The following HUNK variants were observed in gnomAD, a reference collection of about 807,000 sequenced individuals.
HUNK encodes hormonally up-regulated Neu-associated kinase, also known as hormonally up-regulated neu tumor-associated kinase.
HUNK carries 21 observed loss-of-function variants against 61.0 expected under a neutral mutation model. The ratio of observed to expected loss-of-function variants is 0.34; its 90% confidence interval spans 0.24 to 0.50. The LOEUF (loss-of-function observed/expected upper bound fraction) is 0.50. Among genes scored for constraint, HUNK ranks in the 20% least tolerant of loss-of-function variants. The pLI is 0.98. For synonymous variants in HUNK, 371 were observed against 386.1 expected, an observed-to-expected ratio of 0.96 and a Z score of 0.46; for missense variants, 772 against 945.7, an observed-to-expected ratio of 0.82 and a Z score of 2.41.
At chr21:31,998,490 C>A (rs760336730) in intron 10 of HUNK, 36 bp from the exon 11 acceptor site, 1 of 1,530,928 alleles carries the variant, frequency 6.5e-7, no homozygotes, top group South Asian at 1.3e-5. Flanking sequence ...ACTGTCCGGA[C>A]GTCCTCATGA....
chr21:31,920,659 T>G (rs1255578367), intron 1 of HUNK, among the ~76,000 whole-genome samples: 1 of 152,186 alleles, frequency 6.6e-6, no homozygotes, highest in Non-Finnish European at 1.5e-5. Context: ...CTTGAACTAC[T>G]TGGGGCCAGA....
chr21:31,993,672 G>A (rs1252440049), intron 9 of HUNK, among the ~76,000 whole-genome samples: 3 of 152,204 alleles, frequency 2.0e-5, no homozygotes, highest in Admixed American at 6.5e-5. Flanking sequence ...GTGTGTAAGC[G>A]TGTGTGCAAA....
chr21:31,983,620 C>T lies in HUNK; in HGVS notation c.1257+11C>T. 1 of 1,593,022 alleles carries T rather than the reference C, an allele frequency of 6.3e-7. No individual in the cohort carries two copies. Among genetic ancestry groups the T allele is most frequent in the Non-Finnish European group, 8.6e-7 (1 of 1,162,200 alleles). ...AAGGAGTCCTATGAGGTGAGTGACC[C>T]CTGAAGCAAACCTCAGGGTCTCTTA... On this transcript the variant is annotated intron_variant, in intron 8 of 10. Transcript: ENST00000270112.
chr21:31,969,787 A>G (rs1216187334), intron 6 of HUNK, among the ~76,000 whole-genome samples: 1 of 152,016 alleles, frequency 6.6e-6, no homozygotes, highest in Non-Finnish European at 1.5e-5. Context: ...GGCTGGTCTC[A>G]AACTCCTGGG....
At chr21:31,927,384 C>T (rs888537956) in intron 2 of HUNK, among the ~76,000 whole-genome samples, 3 of 152,028 alleles carry the variant, frequency 2.0e-5, no homozygotes, top group Non-Finnish European at 4.4e-5. Flanking sequence ...GTGCTCACGC[C>T]TGCAATTCCA....
At chr21:31,942,169 C>T (rs2052773392) in intron 3 of HUNK, among the ~76,000 whole-genome samples, 1 of 152,254 alleles carries the variant, frequency 6.6e-6, no homozygotes, top group African/African-American at 2.4e-5. Flanking sequence ...AAGATCGTGA[C>T]ACTGCACTCC....
chr21:31,979,797 A>C lies in HUNK; in HGVS notation c.1174-3729A>C, dbSNP rs139662198. ...CCCAAAGTGCTGGGATTACAGGCAT[A>C]AGCCACCACGCCCAGCTGCATTCTT... On this transcript the variant is annotated intron_variant, in intron 7 of 10. Coordinates refer to ENST00000270112, the MANE Select transcript of HUNK (RefSeq NM_014586.2). Among the ~76,000 whole-genome samples the C allele has an allele frequency of 2.6e-5, 4 of 151,794 alleles. No homozygotes were observed. In the South Asian group the frequency reaches 6.2e-4, roughly 24 times the overall value.
chr21:32,000,369 T>C lies in HUNK; in HGVS notation c.*1185T>C, dbSNP rs1341040176. ...CTCCTCAAACAGGGTTCAGTCCACGTTGTGTTTTCACACCTTTCTCCAAGG... is the reference window on the plus strand; with the variant it reads ...CTCCTCAAACAGGGTTCAGTCCACGCTGTGTTTTCACACCTTTCTCCAAGG... On this transcript the variant is annotated 3_prime_UTR_variant, in exon 11 of 11. Transcript: ENST00000270112. 1 of 399,002 alleles carries C rather than the reference T, an allele frequency of 2.5e-6. No individual in the cohort carries two copies. The highest frequency in any genetic ancestry group is 4.4e-6 in the Non-Finnish European group (1 of 226,118). The allele number at this position is 399,002 out of a possible 1,614,324, so 24.7% of individuals were successfully genotyped here.
chr21:31,992,382 A>G (rs1274015938), intron 9 of HUNK, among the ~76,000 whole-genome samples: 4 of 152,246 alleles, frequency 2.6e-5, no homozygotes, highest in African/African-American at 9.6e-5. Context: ...CGTTTTCAAA[A>G]TGTCCCACTT....
chr21:31,898,767 T>C (rs941740555), intron 1 of HUNK, among the ~76,000 whole-genome samples: 1 of 152,050 alleles, frequency 6.6e-6, no homozygotes, highest in Non-Finnish European at 1.5e-5. Flanking sequence ...GGATGATTAA[T>C]GTCAGGCCAG....
At chr21:31,956,565 A>G (rs1173182072) in intron 4 of HUNK, among the ~76,000 whole-genome samples, 2 of 151,716 alleles carry the variant, frequency 1.3e-5, no homozygotes. Context: ...TAGCCCTGAT[A>G]CTCCTTCCCT....
At position 31,937,119 on chromosome 21, in the gene HUNK, C is replaced by T. The variant is rs529455890; in HGVS notation, c.555-3046C>T. Among the ~76,000 whole-genome samples, 3 of 152,234 alleles carry T rather than the reference C, an allele frequency of 2.0e-5. No homozygotes were observed. The South Asian group carries it at 6.2e-4, about 32-fold the overall frequency. On this transcript the variant is annotated intron_variant, in intron 2 of 10. Transcript: ENST00000270112. Reference sequence around the variant, plus strand: ...GTGTGTTTCGGAATTACTGTTTATGCCTGAATAGAAGTCAGGCTGATATTA... The same window carrying T: ...GTGTGTTTCGGAATTACTGTTTATGTCTGAATAGAAGTCAGGCTGATATTA...
At chr21:31,895,467 G>A (rs550000529) in intron 1 of HUNK, among the ~76,000 whole-genome samples, 25 of 152,332 alleles carry the variant, frequency 1.6e-4, no homozygotes, top group Middle Eastern at 3.4e-3. Flanking sequence ...ACAATTACAT[G>A]CAAGTGGAGA....
chr21:31,880,299 G>A (rs1227708351), intron 1 of HUNK, among the ~76,000 whole-genome samples: 1 of 152,164 alleles, frequency 6.6e-6, no homozygotes, highest in Admixed American at 6.5e-5. Context: ...TTCTCTATGA[G>A]TTTGCTAGGA....
At chr21:31,977,846 G>T (rs1201525559) in intron 7 of HUNK, among the ~76,000 whole-genome samples, 1 of 152,178 alleles carries the variant, frequency 6.6e-6, no homozygotes, top group Non-Finnish European at 1.5e-5. Flanking sequence ...AGGATCGCTT[G>T]AGCCTGGGAA....
chr21:31,944,838 A>G (rs1445618125), intron 3 of HUNK, among the ~76,000 whole-genome samples: 1 of 152,168 alleles, frequency 6.6e-6, no homozygotes, highest in Non-Finnish European at 1.5e-5. Context: ...TCTTTTTAGA[A>G]AAGCTTAACG....
At chr21:31,989,945 C>CTATT (rs2053160471) in intron 8 of HUNK, among the ~76,000 whole-genome samples, 184 bp from the exon 9 acceptor site, 1 of 152,096 alleles carries the variant, frequency 6.6e-6, no homozygotes, top group Admixed American at 6.5e-5. Context: ...CCTAGAAAAT[C>CTATT]TATTCAGCAC....
At chr21:31,947,415 G>GCC (rs1568931942) in intron 4 of HUNK, among the ~76,000 whole-genome samples, 4 of 152,224 alleles carry the variant, frequency 2.6e-5, no homozygotes, top group African/African-American at 9.7e-5. Context: ...AGCCAATGGC[G>GCC]TCACTGCCGA....
At chr21:31,922,939 T>A (rs2052632683) in intron 1 of HUNK, among the ~76,000 whole-genome samples, 1 of 152,138 alleles carries the variant, frequency 6.6e-6, no homozygotes, top group Admixed American at 6.5e-5. Context: ...ACCCGGAGGC[T>A]CCATAGCTGT....
Sources: allele counts gnomAD v4.1 joint callset (sites outside exome capture counted in the v4.1 genomes callset), GRCh38; gene constraint gnomAD v4.1.1; transcripts MANE v1.5; gene names NCBI Gene and HGNC (gene_info 2026-07-23, HGNC 2026-07-21).